Variants in DDX55 observed in about 807,000 individuals in gnomAD.
DDX55 encodes ATP-dependent RNA helicase DDX55.
In DDX55, 56 loss-of-function variants were observed where a neutral mutation model predicts 69.2. The ratio of observed to expected loss-of-function variants is 0.81; its 90% confidence interval spans 0.65 to 1.01. DDX55 has a LOEUF of 1.01. Ranked by LOEUF, DDX55 falls within the 50% of genes least tolerant of loss-of-function variation. The pLI is 0.00. For missense variants in DDX55, 720 were observed against 745.1 expected (o/e 0.97, Z 0.39); for synonymous variants, 268 against 273.1 (o/e 0.98, Z 0.18).
chr12:123,614,448 T>A (rs1281796950), intron 8 of DDX55, among the ~76,000 whole-genome samples: 1 of 152,224 alleles, frequency 6.6e-6, no homozygotes, highest in Non-Finnish European at 1.5e-5. Context: ...GTGTCTCTGG[T>A]AAGTTTTAGT....
rs879320955 is a variant in DDX55 at position 123,602,154 on chromosome 12, G to A, written c.6G>A (p.Glu2=). The part of the protein sequence containing the change: M[E]HVTEGSWESL... ...ACGCGGCGAAGGAGCGCGCCATGGA[G>A]CATGTGACAGAGGGCTCCTGGGAGT... The change falls in exon 1 of 14, where the codon GAG becomes GAA. Residue 2 remains glutamate, a synonymous_variant. Coordinates refer to ENST00000238146, the MANE Select transcript of DDX55 (RefSeq NM_020936.3). 8 of 1,554,598 alleles carry A rather than the reference G, an allele frequency of 5.1e-6. No homozygotes were observed. Among genetic ancestry groups the A allele is most frequent in the Non-Finnish European group, 1.7e-6 (2 of 1,151,410 alleles).
chr12:123,620,616 ATATATATATAT>A lies in DDX55; in HGVS notation c.*477_*487del, dbSNP rs1566211514. The A allele has an allele frequency of 6.5e-5, 8 of 122,514 alleles. No homozygotes were observed. Among genetic ancestry groups the A allele is most frequent in the African/African-American group, 1.4e-4 (4 of 29,558 alleles). The allele number at this position is 122,514 out of a possible 1,614,324, so 7.6% of individuals were successfully genotyped here. Reference sequence around the variant, plus strand: ...TATATATATATATATATATATATATATATATATATATAAGCTCTTTTTTCTGAGGCTATTTT... The same window carrying A: ...TATATATATATATATATATATATATAAAGCTCTTTTTTCTGAGGCTATTTT... On this transcript the variant is annotated 3_prime_UTR_variant, in exon 14 of 14. Coordinates refer to ENST00000238146, the MANE Select transcript of DDX55 (RefSeq NM_020936.3).
At chr12:123,619,290 A>G in intron 12 of DDX55, 142 bp from the exon 13 acceptor site, 1 of 1,345,188 alleles carries the variant, frequency 7.4e-7, no homozygotes, top group Non-Finnish European at 9.7e-7. Context: ...GGCGTGAGCC[A>G]CTGCACCCGG....
intron 6 of DDX55, 48 bp from the exon 7 acceptor site, chr12:123,609,891 G>C: frequency 6.3e-7 from 1 of 1,577,644 alleles, no homozygotes; most frequent in East Asian, 2.2e-5. Context: ...ACTGTGTGTT[G>C]ATTCTGCTGG....
chr12:123,606,865 C>T (rs3850953), intron 3 of DDX55, among the ~76,000 whole-genome samples: 9,346 of 152,136 alleles, frequency 0.061, 695 homozygotes, highest in African/African-American at 0.18. Flanking sequence ...TGTGAGCTAC[C>T]GCGCCCGGCC....
rs768049607 is a variant in DDX55 at position 123,608,694 on chromosome 12, T to C, written c.416T>C (p.Val139Ala). 6.2e-7 allele frequency: 1 copy of C among 1,613,730 alleles called. No individual in the cohort carries two copies. The highest frequency in any genetic ancestry group is 2.2e-5 in the East Asian group (1 of 44,884). Reference sequence around the variant, plus strand: ...TCTTTCCAAAGTGGGAACATCATTGTGGCCACTCCAGGCCGCTTGGAGGAC... The same window carrying C: ...TCTTTCCAAAGTGGGAACATCATTGCGGCCACTCCAGGCCGCTTGGAGGAC... ...RFKQQGGNII[V>A]ATPGRLEDMF... The change falls in exon 6 of 14, where the codon GTG becomes GCG. Residue 139 changes from valine (V) to alanine (A), a missense_variant. Physicochemically the swap from Val to Ala is moderately conservative, Grantham distance 64. Transcript: ENST00000238146.
At chr12:123,607,784 G>A in intron 5 of DDX55, 122 bp downstream of exon 5, 2 of 1,406,952 alleles carry the variant, frequency 1.4e-6, no homozygotes, top group South Asian at 2.3e-5. Context: ...CTGCAAAAAG[G>A]TGTTTTCTCC....
At chr12:123,616,488 A>C in intron 9 of DDX55, 23 bp from the exon 10 acceptor site, 1 of 1,611,938 alleles carries the variant, frequency 6.2e-7, no homozygotes, top group Non-Finnish European at 8.5e-7. Context: ...CCTTACTCAG[A>C]ATGCTTTTTT....
intron 7 of DDX55, among the ~76,000 whole-genome samples, chr12:123,610,899 T>G (rs1421222788): frequency 4.7e-5 from 7 of 148,190 alleles, no homozygotes; most frequent in Admixed American, 1.3e-4. Context: ...CGTTTTTTTT[T>G]GTTTGTTTTT....
Position 123,620,578 on chromosome 12 carries a change from T to TA in DDX55, c.*439dup, listed in dbSNP as rs1955053923. The TA allele has an allele frequency of 1.2e-4, 10 of 80,702 alleles. No individual in the cohort carries two copies. The highest frequency in any genetic ancestry group is 1.1e-3 in the East Asian group (2 of 1,864). 5.0% of individuals were successfully genotyped at this position (80,702 alleles called of 1,614,324 possible). On this transcript the variant is annotated 3_prime_UTR_variant, in exon 14 of 14. Transcript: ENST00000238146. The stretch of plus-strand genomic sequence containing the variant: ...TGGGTCACATATAGACATATGTACA[T>TA]ATTATATATATATATATATATATAT...
intron 7 of DDX55, among the ~76,000 whole-genome samples, chr12:123,611,837 G>C (rs1000208823): frequency 6.6e-6 from 1 of 152,170 alleles, no homozygotes; most frequent in Non-Finnish European, 1.5e-5. Context: ...CTCTGCATAG[G>C]GTAGTGTGGA....
chr12:123,610,041 G>A lies in DDX55; in HGVS notation c.654G>A (p.Arg218=), dbSNP rs1312540252. ...EVENLVRAGL[R]NPVRVSVKEK... is the part of the protein sequence containing the mutation. ...AGAACCTGGTGAGAGCGGGCCTCCG[G>A]AACCCTGTCCGGGTCTCAGTGAAGG... The change falls in exon 7 of 14, where the codon CGG becomes CGA. Residue 218 remains arginine, a synonymous_variant. Transcript: ENST00000238146. 5 of 1,614,006 alleles carry A rather than the reference G, an allele frequency of 3.1e-6. No individual in the cohort carries two copies. In the Admixed American group the frequency reaches 5.0e-5, roughly 16 times the overall value.
rs111846418 is a variant in DDX55, at chr12:123,610,426, C to T, written c.741+298C>T. ...TGTGCTGGGTGCAGCCATGACTAAGCTCTGTAGTTCCTGGGCCCGTCAGAA... is the reference window on the plus strand; with the variant it reads ...TGTGCTGGGTGCAGCCATGACTAAGTTCTGTAGTTCCTGGGCCCGTCAGAA... On this transcript the variant is annotated intron_variant, in intron 7 of 13. Transcript: ENST00000238146. Among the ~76,000 whole-genome samples the T allele has an allele frequency of 4.0e-3, 611 of 152,188 alleles. 1 individual carries two copies. The highest frequency in any genetic ancestry group is 7.3e-3 in the Non-Finnish European group (494 of 67,996).
intron 9 of DDX55, among the ~76,000 whole-genome samples, chr12:123,616,160 C>T (rs570569537): frequency 9.9e-5 from 15 of 152,142 alleles, no homozygotes; most frequent in African/African-American, 3.6e-4. Context: ...TAAAAGTCTT[C>T]TTTTGGACAA....
At chr12:123,604,911 C>T (rs971452724) in intron 1 of DDX55, 2 of 152,134 alleles carry the variant, frequency 1.3e-5, no homozygotes, top group Non-Finnish European at 2.9e-5. Flanking sequence ...ACATTTTGTG[C>T]TGGAAAATTT....
rs745920320 is a variant in DDX55 at position 123,619,678 on chromosome 12, AAAAAG to A, written c.1588_1592del (p.Lys530GlufsTer5). ...AAAGCTTGGTCAAAGCAGAAGGCCAAAAAAGAAAAGAAGAAAAAAATGAATGAGAA... is the reference window on the plus strand; with the variant it reads ...AAAGCTTGGTCAAAGCAGAAGGCCAAAAAAGAAGAAAAAAATGAATGAGAA... On this transcript the variant is annotated frameshift_variant, in exon 13 of 14. Transcript: ENST00000238146. LOFTEE classifies it high-confidence loss of function. The A allele has an allele frequency of 2.1e-5, 33 of 1,581,892 alleles. No individual in the cohort carries two copies. The highest frequency in any genetic ancestry group is 2.2e-5 in the East Asian group (1 of 44,806).
In DDX55 at chr12:123,620,619, T is replaced by TAC. The variant is rs1555284661; in HGVS notation, c.*480_*481insCA. 1 of 120,550 alleles carries TAC rather than the reference T, an allele frequency of 8.3e-6. No homozygotes were observed. Among genetic ancestry groups the TAC allele is most frequent in the Non-Finnish European group, 1.7e-5 (1 of 60,090 alleles). The allele number at this position is 120,550 out of a possible 1,614,324, so 7.5% of individuals were successfully genotyped here. A position where few individuals can be genotyped will look rare whatever the true frequency, so the allele number is the denominator to read the frequency against. On this transcript the variant is annotated 3_prime_UTR_variant, in exon 14 of 14. Coordinates refer to ENST00000238146, the MANE Select transcript of DDX55 (RefSeq NM_020936.3). ...ATATATATATATATATATATATATA[T>TAC]ATATATATAAGCTCTTTTTTCTGAG...
At chr12:123,608,492 A>T in intron 5 of DDX55, 188 bp from the exon 6 acceptor site, 1 of 643,464 alleles carries the variant, frequency 1.6e-6, no homozygotes, top group Non-Finnish European at 2.6e-6. Flanking sequence ...ATAGCCCAGA[A>T]CCCAGATCCC....
chr12:123,607,423 T>A lies in DDX55; in HGVS notation c.247-9T>A. 1.2e-6 allele frequency: 2 copies of A among 1,613,898 alleles called. No individual in the cohort carries two copies. Among genetic ancestry groups the A allele is most frequent in the Non-Finnish European group, 1.7e-6 (2 of 1,179,940 alleles). On this transcript the variant is annotated splice_polypyrimidine_tract_variant and intron_variant, in intron 3 of 13. Transcript: ENST00000238146. ...CTGCTGACTGTGTCCCTTCCTTCCA[T>A]GTGGGTAGGTTGGAGCCATAATCAT... is the stretch of plus-strand genomic sequence containing the variant.
Sources: allele counts gnomAD v4.1 joint callset (sites outside exome capture counted in the v4.1 genomes callset), GRCh38; gene constraint gnomAD v4.1.1; transcripts MANE v1.5; gene names NCBI Gene and HGNC (gene_info 2026-07-23, HGNC 2026-07-21).